SAFB: variants seen among roughly 807,000 people sequenced by gnomAD.
SAFB encodes the protein scaffold attachment factor B.
In SAFB, 15 loss-of-function variants were observed where a neutral mutation model predicts 101.6. The observed-to-expected ratio is 0.15, with a 90% confidence interval of 0.10 to 0.23. The LOEUF (loss-of-function observed/expected upper bound fraction) is 0.23, where lower values mean the gene tolerates loss of function less well. SAFB is among the 10% of genes least tolerant of loss of function. The pLI is 1.00. For missense variants in SAFB, 930 were observed against 1,104.1 expected (o/e 0.84, Z 2.23); for synonymous variants, 449 against 407.5 (o/e 1.10, Z -1.23).
intron 5 of SAFB, among the ~76,000 whole-genome samples, chr19:5,645,886 TTTTG>T (rs1328676655): frequency 6.6e-6 from 1 of 152,126 alleles, no homozygotes; most frequent in Non-Finnish European, 1.5e-5. Context: ...TTTTGTTTTG[TTTTG>T]TTTTTGTTTT....
rs1351202313 is a variant in SAFB at position 5,653,929 on chromosome 19, T to C, written c.1527-132T>C. On this transcript the variant is annotated intron_variant, in intron 11 of 20. Coordinates refer to ENST00000588852, the MANE Select transcript of SAFB (RefSeq NM_001201338.2). ...TGCCCATTTGTGGTTTTAGTAGAGA[T>C]GGGGTTTCACCATGTTGGCCAGGCT... 2.1e-5 allele frequency: 15 copies of C among 706,854 alleles called. No homozygotes were observed. In the East Asian group the frequency reaches 3.8e-4, roughly 18 times the overall value. 43.8% of individuals were successfully genotyped at this position (706,854 alleles called of 1,614,324 possible). A position where few individuals can be genotyped will look rare whatever the true frequency, so the allele number is the denominator to read the frequency against.
rs773678130 is a variant in SAFB at position 5,649,964 on chromosome 19, A to G, written c.1187A>G (p.Lys396Arg). 10 of 1,613,828 alleles carry G rather than the reference A, an allele frequency of 6.2e-6. No homozygotes were observed. The highest frequency in any genetic ancestry group is 1.3e-5 in the African/African-American group (1 of 75,006). Reference protein sequence around the residue: ...EDDSDTKRLSKEEKGRSSCGR... With the variant: ...EDDSDTKRLSREEKGRSSCGR... ...GACTCGGATACAAAAAGGCTTTCCAAAGAGGAAAAGGGTAGGTCACCTCGG... is the reference window on the plus strand; with the variant it reads ...GACTCGGATACAAAAAGGCTTTCCAGAGAGGAAAAGGGTAGGTCACCTCGG... Residue 396 changes from lysine (K) to arginine (R), a missense_variant, in exon 8 of 21, where the codon AAA becomes AGA. Around this residue, in one of 7 missense-constraint regions of SAFB, gnomAD observed 68 missense variants for 122.1 expected, o/e 0.56. Coordinates refer to ENST00000588852, the MANE Select transcript of SAFB (RefSeq NM_001201338.2).
intron 16 of SAFB, 102 bp downstream of exon 16, chr19:5,664,261 A>T (rs2054281130): frequency 1.4e-6 from 2 of 1,457,198 alleles, no homozygotes; most frequent in African/African-American, 2.8e-5. Context: ...CGTTCATCAG[A>T]TGTATGCTGA....
chr19:5,636,403 G>A (rs1265405976), intron 2 of SAFB, among the ~76,000 whole-genome samples: 3 of 152,046 alleles, frequency 2.0e-5, no homozygotes, highest in Admixed American at 2.0e-4. Flanking sequence ...ACTGGGTTGA[G>A]TTCCAGCTGT....
At chr19:5,627,855 T>G (rs945740796) in intron 2 of SAFB, among the ~76,000 whole-genome samples, 8 of 152,334 alleles carry the variant, frequency 5.3e-5, no homozygotes, top group African/African-American at 1.9e-4. Flanking sequence ...TCATCTTGCC[T>G]TCTGTCAAGA....
At chr19:5,662,643 CTT>C (rs564198873) in intron 15 of SAFB, among the ~76,000 whole-genome samples, 34 of 139,008 alleles carry the variant, frequency 2.4e-4, no homozygotes, top group Non-Finnish European at 2.5e-4. Context: ...AGGCCCTTTC[CTT>C]TTTTTTTTTT....
At chr19:5,666,950 C>A in intron 17 of SAFB, 96 bp from the exon 18 acceptor site, 1 of 814,252 alleles carries the variant, frequency 1.2e-6, no homozygotes, top group Non-Finnish European at 2.2e-6. Context: ...TCCCGAGTGA[C>A]TGTCGTTGTC....
At chr19:5,666,990 G>A in intron 17 of SAFB, 56 bp from the exon 18 acceptor site, 1 of 1,068,152 alleles carries the variant, frequency 9.4e-7, no homozygotes, top group South Asian at 1.2e-5. Flanking sequence ...AAAAGCCTTG[G>A]GGTCTGGGCG....
At chr19:5,668,018 A>G in intron 20 of SAFB, 132 bp downstream of exon 20, 2 of 1,408,906 alleles carry the variant, frequency 1.4e-6, no homozygotes, top group Non-Finnish European at 1.9e-6. Flanking sequence ...GGCATGGGGT[A>G]CTGTGGAGGC....
At position 5,667,668 on chromosome 19, in the gene SAFB, CGTCTATG is replaced by C. The variant is rs2054364250; in HGVS notation, c.2558-148_2558-142del. The C allele has an allele frequency of 1.3e-6, 1 of 752,762 alleles. No individual in the cohort carries two copies. The highest frequency in any genetic ancestry group is 1.8e-5 in the African/African-American group (1 of 56,898). 46.6% of individuals were successfully genotyped at this position (752,762 alleles called of 1,614,324 possible). ...TTCTCTCTGCTGGGAGGAAGCTGGA[CGTCTATG>C]GTCCCTGTGCCCAGGTGTCTTCCTG... On this transcript the variant is annotated intron_variant, in intron 19 of 20. Transcript: ENST00000588852. The surrounding 1 kb of genome is among the most constrained non-coding windows in gnomAD (Gnocchi z 4.0).
intron 8 of SAFB, 118 bp downstream of exon 8, chr19:5,650,093 G>C: frequency 1.3e-6 from 1 of 784,882 alleles, no homozygotes; most frequent in Non-Finnish European, 2.2e-6. Context: ...TGAGACGTTT[G>C]TGCAGTCTTT....
intron 13 of SAFB, among the ~76,000 whole-genome samples, chr19:5,655,716 CTG>C (rs1350002024): frequency 6.6e-6 from 1 of 152,154 alleles, no homozygotes; most frequent in Non-Finnish European, 1.5e-5. Flanking sequence ...CTTTCAGTCT[CTG>C]TGTGCCAGTA....
Position 5,654,141 on chromosome 19 carries a change from G to A in SAFB, c.1607G>A (p.Ser536Asn), listed in dbSNP as rs1189531930. 2.5e-6 allele frequency: 4 copies of A among 1,614,204 alleles called. No individual in the cohort carries two copies. The highest frequency in any genetic ancestry group is 3.3e-5 in the Admixed American group (2 of 60,028). Residue 536 changes from serine (S) to asparagine (N), a missense_variant, in exon 12 of 21, where the codon AGT becomes AAT. By Grantham distance (46) the Ser-to-Asn change is conservative (BLOSUM62 1). Around this residue, in one of 7 missense-constraint regions of SAFB, gnomAD observed 92 missense variants for 83.8 expected, o/e 1.10. Coordinates refer to ENST00000588852, the MANE Select transcript of SAFB (RefSeq NM_001201338.2). ...KKGDDGSGEK[S>N]KDQDDQKPGP... ...GGTGACGACGGAAGTGGAGAAAAGA[G>A]TAAGGACCAAGATGATCAGAAACCT...
chr19:5,635,851 A>G (rs2053584259), intron 2 of SAFB, among the ~76,000 whole-genome samples: 1 of 152,088 alleles, frequency 6.6e-6, no homozygotes, highest in Admixed American at 6.6e-5. Context: ...CAAGGGGCAC[A>G]TTGGCCTTGA....
chr19:5,662,185 A>T (rs1002685429), intron 15 of SAFB, among the ~76,000 whole-genome samples: 4 of 149,928 alleles, frequency 2.7e-5, no homozygotes, highest in African/African-American at 9.8e-5. Flanking sequence ...GCGACCGGCC[A>T]GCTTGAGATC....
rs969860133 is a variant in SAFB at position 5,623,117 on chromosome 19, C to A, written c.-89C>A. 12 of 1,328,432 alleles carry A rather than the reference C, an allele frequency of 9.0e-6. No homozygotes were observed. Among genetic ancestry groups the A allele is most frequent in the African/African-American group, 7.4e-5 (5 of 67,406 alleles). 82.3% of individuals were successfully genotyped at this position (1,328,432 alleles called of 1,614,324 possible). On this transcript the variant is annotated 5_prime_UTR_variant, in exon 1 of 21. Coordinates refer to ENST00000588852, the MANE Select transcript of SAFB (RefSeq NM_001201338.2). ...GCGCGCTGGGGCGACTGGAGCGGTT[C>A]CCTCGCAGGCGGCGCCATTTTGTGC...
intron 2 of SAFB, among the ~76,000 whole-genome samples, chr19:5,639,718 G>C (rs2053665296): frequency 6.6e-6 from 1 of 151,174 alleles, no homozygotes; most frequent in Non-Finnish European, 1.5e-5. Context: ...GAACAGTGAA[G>C]TGTACTCAAA....
At chr19:5,661,971 G>A (rs1477318411) in intron 15 of SAFB, among the ~76,000 whole-genome samples, 163 bp downstream of exon 15, 2 of 150,944 alleles carry the variant, frequency 1.3e-5, no homozygotes, top group Non-Finnish European at 2.9e-5. Flanking sequence ...TGCAAGCTCT[G>A]CCTCCCGGGT....
intron 5 of SAFB, among the ~76,000 whole-genome samples, chr19:5,647,032 G>A (rs1297931060): frequency 2.1e-4 from 32 of 152,242 alleles, no homozygotes. Flanking sequence ...CTGTGTGTAT[G>A]TAAGGTGCTT....
Sources: allele counts gnomAD v4.1 joint callset (sites outside exome capture counted in the v4.1 genomes callset), GRCh38; gene constraint gnomAD v4.1.1; regional missense constraint gnomAD v4.1.1; non-coding constraint Gnocchi (gnomAD v3.1); transcripts MANE v1.5; gene names NCBI Gene and HGNC (gene_info 2026-07-23, HGNC 2026-07-21).